ARHGAP26: variants seen among roughly 807,000 people sequenced by gnomAD.
ARHGAP26 encodes rho GTPase-activating protein 26.
A neutral mutation model predicts 104.8 loss-of-function variants in ARHGAP26; 38 were observed. The observed-to-expected ratio is 0.36, with a 90% CI of 0.28 to 0.48. The LOEUF (loss-of-function observed/expected upper bound fraction) is 0.48. Among genes scored for constraint, ARHGAP26 ranks in the 20% least tolerant of loss-of-function variants. The pLI is 0.99. For missense variants in ARHGAP26, 704 were observed against 947.9 expected, an observed-to-expected ratio of 0.74 and a Z score of 3.38; for synonymous variants, 341 against 340.0, an observed-to-expected ratio of 1.00 and a Z score of -0.03.
At chr5:142,819,352 C>G (rs957974245) in intron 1 of ARHGAP26, among the ~76,000 whole-genome samples, 10 of 152,202 alleles carry the variant, frequency 6.6e-5, no homozygotes, top group Non-Finnish European at 1.3e-4. Context: ...CATGTTTCAT[C>G]TCACTGATGG....
At chr5:142,975,198 C>A (rs907380613) in intron 11 of ARHGAP26, among the ~76,000 whole-genome samples, 2 of 152,136 alleles carry the variant, frequency 1.3e-5, no homozygotes, top group African/African-American at 4.8e-5. Context: ...TGCTGCTAAA[C>A]GGCATGGACT....
In ARHGAP26 at chr5:142,785,604, A is replaced by G. The variant is rs202030563; in HGVS notation, c.154+14689A>G. ...GCATTCCTTCATTTCTACAGAGGAA[A>G]AAAATTGCCAGTACTATCCTGATTT... On this transcript the variant is annotated intron_variant, in intron 1 of 22. Transcript: ENST00000645722. Among the ~76,000 whole-genome samples the G allele has an allele frequency of 2.7e-3, 413 of 152,124 alleles. 3 individuals are homozygous for G. The highest frequency in any genetic ancestry group is 9.4e-3 in the African/African-American group (387 of 41,366).
chr5:142,823,872 C>T (rs747699493), intron 1 of ARHGAP26, among the ~76,000 whole-genome samples: 22 of 152,198 alleles, frequency 1.4e-4, no homozygotes, highest in Admixed American at 5.9e-4. Context: ...TTTGTTCTCT[C>T]ATAAGGCCTG....
chr5:142,976,559 C>T (rs974786175), intron 11 of ARHGAP26, among the ~76,000 whole-genome samples: 15 of 152,072 alleles, frequency 9.9e-5, no homozygotes, highest in Admixed American at 9.2e-4. Flanking sequence ...TAGATGTATC[C>T]ATCCAATATA....
intron 5 of ARHGAP26, among the ~76,000 whole-genome samples, chr5:142,888,414 G>A (rs430109): frequency 0.43 from 64,873 of 152,112 alleles, 17,555 homozygotes; most frequent in East Asian, 0.9. Context: ...CTTGAATTAC[G>A]TTTTATGAGG....
At chr5:143,200,566 G>C (rs1011478748) in intron 20 of ARHGAP26, among the ~76,000 whole-genome samples, 4 of 151,768 alleles carry the variant, frequency 2.6e-5, no homozygotes, top group Admixed American at 2.6e-4. Context: ...AAAAAAAGGA[G>C]GGTATTAACT....
At chr5:143,058,316 A>T (rs968712765) in intron 17 of ARHGAP26, among the ~76,000 whole-genome samples, 3 of 152,234 alleles carry the variant, frequency 2.0e-5, no homozygotes, top group Non-Finnish European at 4.4e-5. Context: ...AAAGCCTTTG[A>T]AGAAGTATAA....
intron 1 of ARHGAP26, among the ~76,000 whole-genome samples, chr5:142,828,657 A>C (rs1421428367): frequency 6.6e-6 from 1 of 152,190 alleles, no homozygotes; most frequent in Non-Finnish European, 1.5e-5. Context: ...TGAGGCATCA[A>C]CCATGTGCAG....
chr5:143,022,249 T>G (rs1249243417), intron 12 of ARHGAP26, among the ~76,000 whole-genome samples: 1 of 152,030 alleles, frequency 6.6e-6, no homozygotes, highest in African/African-American at 2.4e-5. Context: ...TTTTTTTTAT[T>G]TTTAGTAGAG....
intron 11 of ARHGAP26, among the ~76,000 whole-genome samples, chr5:142,999,202 C>G (rs1776857846): frequency 6.6e-6 from 1 of 152,134 alleles, no homozygotes; most frequent in African/African-American, 2.4e-5. Context: ...TGATTAGGGC[C>G]ACTATACTTG....
At chr5:142,908,557 A>C (rs1251430397) in intron 9 of ARHGAP26, among the ~76,000 whole-genome samples, 1 of 152,222 alleles carries the variant, frequency 6.6e-6, no homozygotes, top group African/African-American at 2.4e-5. Flanking sequence ...TGAATGTTCT[A>C]GAAACTAAAG....
chr5:142,863,246 G>A (rs1274389663), intron 1 of ARHGAP26, among the ~76,000 whole-genome samples: 1 of 152,008 alleles, frequency 6.6e-6, no homozygotes, highest in Non-Finnish European at 1.5e-5. Flanking sequence ...GAGTAGCTGT[G>A]ATTACAGGTG....
At chr5:142,847,583 C>T (rs972518517) in intron 1 of ARHGAP26, among the ~76,000 whole-genome samples, 5 of 152,184 alleles carry the variant, frequency 3.3e-5, no homozygotes, top group Non-Finnish European at 2.9e-5. Context: ...TCTCAAACTC[C>T]GGACCTCAGG....
chr5:143,067,382 T>C (rs1237814596), intron 17 of ARHGAP26, among the ~76,000 whole-genome samples: 1 of 152,226 alleles, frequency 6.6e-6, no homozygotes, highest in Non-Finnish European at 1.5e-5. Context: ...TTTCCCGAGT[T>C]ACTGAAATCT....
Position 142,773,903 on chromosome 5 carries a change from A to T in ARHGAP26, c.154+2988A>T, listed in dbSNP as rs1439691411. Among the ~76,000 whole-genome samples, 3 of 152,228 alleles carry T rather than the reference A, an allele frequency of 2.0e-5. No homozygotes were observed. In the East Asian group the frequency reaches 5.8e-4, roughly 29 times the overall value. On this transcript the variant is annotated intron_variant, in intron 1 of 22. Coordinates refer to ENST00000645722, the MANE Select transcript of ARHGAP26 (RefSeq NM_001135608.3). ...TTTGCCTTTCAAAGCAAGAGTAAAAAGGTCAGCACTGAGTTACATGCTTTA... is the reference window on the plus strand; with the variant it reads ...TTTGCCTTTCAAAGCAAGAGTAAAATGGTCAGCACTGAGTTACATGCTTTA...
At chr5:143,170,925 T>C (rs1802679676) in intron 20 of ARHGAP26, among the ~76,000 whole-genome samples, 1 of 152,152 alleles carries the variant, frequency 6.6e-6, no homozygotes, top group South Asian at 2.1e-4. Flanking sequence ...AAGTATCAGA[T>C]GCTGGGGGAG....
chr5:143,207,598 A>T, intron 21 of ARHGAP26: 3 of 1,132,350 alleles, frequency 2.6e-6, no homozygotes, highest in South Asian at 1.6e-5. Flanking sequence ...GACCATTTGC[A>T]TGAATCAGCA....
intron 11 of ARHGAP26, among the ~76,000 whole-genome samples, chr5:142,965,371 C>T (rs148194198): frequency 5.9e-5 from 9 of 152,158 alleles, no homozygotes; most frequent in Non-Finnish European, 8.8e-5. Flanking sequence ...TGCTAAGTAG[C>T]GGGTATTGTT....
intron 4 of ARHGAP26, among the ~76,000 whole-genome samples, chr5:142,880,536 A>G (rs552825069): frequency 5.5e-4 from 83 of 151,890 alleles, no homozygotes; most frequent in African/African-American, 1.9e-3. Context: ...AAAAATCACT[A>G]GGAAACTCTA....
Sources: gnomAD v4.1 joint callset for allele counts (sites outside exome capture counted in the v4.1 genomes callset) on GRCh38, gnomAD v4.1.1 for gene constraint, MANE v1.5 for transcripts, NCBI Gene and HGNC (gene_info 2026-07-23, HGNC 2026-07-21) for gene names.